The following RFX3 variants were observed in gnomAD, a reference collection of about 807,000 sequenced individuals.
The protein encoded by RFX3 is regulatory factor X3.
RFX3 carries 14 observed loss-of-function variants against 98.6 expected under a neutral mutation model. The ratio of observed to expected loss-of-function variants is 0.14; its 90% CI spans 0.09 to 0.22. RFX3 has a LOEUF of 0.22. Among genes scored for constraint, RFX3 ranks in the 10% least tolerant of loss-of-function variants. The probability of loss-of-function intolerance (pLI) is 1.00; values close to 1 mark genes in which losing one functional copy is unlikely to be tolerated. For synonymous variants in RFX3, 383 were observed against 328.4 expected, an observed-to-expected ratio of 1.17 and a Z score of -1.80; for missense variants, 639 against 926.9, an observed-to-expected ratio of 0.69 and a Z score of 4.03.
At chr9:3,474,471 CG>C (rs574185653) in intron 1 of RFX3, among the ~76,000 whole-genome samples, 5 of 152,228 alleles carry the variant, frequency 3.3e-5, no homozygotes, top group Admixed American at 3.3e-4. Context: ...AAGGAAATTC[CG>C]TGATTGTCTC....
Position 3,218,766 on chromosome 9 carries a change from T to C in RFX3, c.*6276A>G, listed in dbSNP as rs962605125. The C allele has an allele frequency of 1.3e-5, 2 of 152,168 alleles. No individual in the cohort carries two copies. The allele number at this position is 152,168 out of a possible 1,614,324, so 9.4% of individuals were successfully genotyped here. A position where few individuals can be genotyped will look rare whatever the true frequency, so the allele number is the denominator to read the frequency against. On this transcript the variant is annotated 3_prime_UTR_variant, in exon 17 of 17. Coordinates refer to ENST00000617270, the MANE Select transcript of RFX3 (RefSeq NM_001282116.2). ...TCACACATACAATCTCTACAAAAGTTGCTTACCTCATTTACATAATATATT... is the reference window on the plus strand; with the variant it reads ...TCACACATACAATCTCTACAAAAGTCGCTTACCTCATTTACATAATATATT...
chr9:3,470,900 CTTA>C (rs896538571), intron 1 of RFX3, among the ~76,000 whole-genome samples: 3 of 152,116 alleles, frequency 2.0e-5, no homozygotes, highest in African/African-American at 4.8e-5. Flanking sequence ...AGTAATTTAT[CTTA>C]TTAAGATGTT....
chr9:3,318,436 G>A (rs1188870089), intron 4 of RFX3, among the ~76,000 whole-genome samples: 1 of 151,734 alleles, frequency 6.6e-6, no homozygotes, highest in South Asian at 2.1e-4. Flanking sequence ...ACGAGTTAAC[G>A]GGTGCAGCAC....
chr9:3,279,525 C>A (rs1340994530), intron 7 of RFX3, among the ~76,000 whole-genome samples: 1 of 151,732 alleles, frequency 6.6e-6, no homozygotes, highest in Non-Finnish European at 1.5e-5. Context: ...TATGCTCTGC[C>A]ACATTTCTTT....
intron 1 of RFX3, among the ~76,000 whole-genome samples, chr9:3,407,336 T>C (rs538805983): frequency 1.3e-5 from 2 of 152,188 alleles, no homozygotes; most frequent in African/African-American, 2.4e-5. Flanking sequence ...CATTATTTCA[T>C]CTGTACAGAA....
intron 16 of RFX3, among the ~76,000 whole-genome samples, chr9:3,227,249 C>G (rs1232046433): frequency 2.6e-5 from 4 of 152,126 alleles, no homozygotes; most frequent in African/African-American, 9.7e-5. Flanking sequence ...GAGGAAAGTT[C>G]CTCTGTCTAT....
chr9:3,226,059 T>C (rs1014490323), intron 16 of RFX3, among the ~76,000 whole-genome samples: 1 of 152,192 alleles, frequency 6.6e-6, no homozygotes, highest in African/African-American at 2.4e-5. Flanking sequence ...CAGTATGCAC[T>C]GTTAAAATTC....
In RFX3 at chr9:3,225,147, G is replaced by T. The variant is rs201572962; in HGVS notation, c.2145C>A (p.Gly715=). The change falls in exon 17 of 17, where the codon GGC becomes GGA. Residue 715 remains glycine (G), a synonymous_variant. Coordinates refer to ENST00000617270, the MANE Select transcript of RFX3 (RefSeq NM_001282116.2). ...TTGGATTCAGGAGGCTTGGTTGCAC[G>T]CCAGTCTCGAGAACAGGCTGCATGC... The part of the protein sequence containing the change: ...VGCMQPVLET[G]VQPSLLNPIH... The T allele has an allele frequency of 6.2e-7, 1 of 1,613,940 alleles. No homozygotes were observed. The highest frequency in any genetic ancestry group is 8.5e-7 in the Non-Finnish European group (1 of 1,179,926).
intron 1 of RFX3, among the ~76,000 whole-genome samples, chr9:3,405,097 G>C (rs115133161): frequency 0.026 from 4,023 of 152,128 alleles, 189 homozygotes; most frequent in African/African-American, 0.093. Context: ...TTATCAAAAA[G>C]CTTCCTCCTT....
intron 15 of RFX3, among the ~76,000 whole-genome samples, chr9:3,231,539 G>C (rs16916086): frequency 0.021 from 3,147 of 152,116 alleles, 116 homozygotes; most frequent in African/African-American, 0.071. Context: ...TATTCTGAAG[G>C]GTAGGTAGGT....
intron 1 of RFX3, among the ~76,000 whole-genome samples, chr9:3,396,105 T>C (rs141303395): frequency 0.042 from 6,403 of 151,982 alleles, 480 homozygotes; most frequent in African/African-American, 0.15. Context: ...TAGTTACATA[T>C]GTATACGTGT....
At chr9:3,438,037 T>C (rs957301256) in intron 1 of RFX3, among the ~76,000 whole-genome samples, 1 of 152,020 alleles carries the variant, frequency 6.6e-6, no homozygotes, top group East Asian at 1.9e-4. Context: ...AACATACTGA[T>C]AAACCTAAGA....
intron 2 of RFX3, among the ~76,000 whole-genome samples, chr9:3,351,154 G>A (rs954842051): frequency 2.0e-5 from 3 of 150,712 alleles, no homozygotes; most frequent in Non-Finnish European, 4.4e-5. Context: ...CTCTCTGGTG[G>A]GGAATGTTTA....
intron 15 of RFX3, among the ~76,000 whole-genome samples, chr9:3,230,072 A>C (rs1818275874): frequency 6.6e-6 from 1 of 152,202 alleles, no homozygotes; most frequent in Non-Finnish European, 1.5e-5. Context: ...TATGGCTCCA[A>C]ACAACACTCC....
chr9:3,504,894 C>CATATATTATATATATATATAATATAAA (rs1816682814), intron 1 of RFX3, among the ~76,000 whole-genome samples: 1 of 18,208 alleles, frequency 5.5e-5, no homozygotes, highest in South Asian at 1.3e-3. Context: ...TATAATATAA[C>CATATATTATATATATATATAATATAAA]ATATATTATA....
At chr9:3,305,441 T>C (rs1054142195) in intron 4 of RFX3, among the ~76,000 whole-genome samples, 10 of 151,904 alleles carry the variant, frequency 6.6e-5, no homozygotes, top group Admixed American at 2.0e-4. Flanking sequence ...CAATAAATGC[T>C]TGTGGATTGA....
In RFX3 at chr9:3,277,350, T is replaced by C. The variant is rs368546178; in HGVS notation, c.963A>G (p.Gln321=). The change falls in exon 8 of 17, where the codon CAA becomes CAG. Residue 321 remains glutamine (Q), a synonymous_variant. Coordinates refer to ENST00000617270, the MANE Select transcript of RFX3 (RefSeq NM_001282116.2). ...QTVIAQSQHH[Q]QFLDASRALP... ...TACACCTTAACATACCTAAAAACTG[T>C]TGATGATGTTGGCTTTGGGCAATTA... is the stretch of plus-strand genomic sequence containing the variant. The C allele has an allele frequency of 4.3e-6, 7 of 1,612,496 alleles. No individual in the cohort carries two copies. In the African/African-American group the frequency reaches 9.4e-5, roughly 22 times the overall value.
intron 6 of RFX3, among the ~76,000 whole-genome samples, chr9:3,292,360 T>C (rs1827500496): frequency 1.3e-5 from 2 of 152,140 alleles, no homozygotes; most frequent in African/African-American, 4.8e-5. Flanking sequence ...AAAACACTCA[T>C]ATTTATTTCC....
At chr9:3,287,589 T>C (rs185107524) in intron 7 of RFX3, among the ~76,000 whole-genome samples, 5 of 152,082 alleles carry the variant, frequency 3.3e-5, no homozygotes, top group Admixed American at 6.6e-5. Context: ...AGATCTATGA[T>C]TCTATTCATC....
Sources: allele counts gnomAD v4.1 joint callset (sites outside exome capture counted in the v4.1 genomes callset), GRCh38; gene constraint gnomAD v4.1.1; transcripts MANE v1.5; gene names NCBI Gene and HGNC (gene_info 2026-07-23, HGNC 2026-07-21).